Variants in AHNAK observed in about 807,000 individuals in gnomAD.
AHNAK encodes neuroblast differentiation-associated protein AHNAK.
A neutral mutation model predicts 37.8 loss-of-function variants in AHNAK; 23 were observed. The observed-to-expected ratio is 0.61, with a 90% confidence interval of 0.44 to 0.86. AHNAK has a LOEUF of 0.86. Ranked by LOEUF, AHNAK falls within the 40% of genes least tolerant of loss-of-function variation. The pLI, the probability that AHNAK is intolerant of heterozygous loss-of-function variation, is 0.00. For missense variants in AHNAK, 7,411 were observed against 7,319.4 expected (o/e 1.01, Z -0.46); for synonymous variants, 2,481 against 2,636.3 (o/e 0.94, Z 1.80).
chr11:62,540,535 C>T (rs1941087741), intron 1 of AHNAK, among the ~76,000 whole-genome samples: 1 of 152,142 alleles, frequency 6.6e-6, no homozygotes, highest in African/African-American at 2.4e-5. Flanking sequence ...CAGAGCTAGG[C>T]GTGGTGGCTC....
At position 62,518,333 on chromosome 11, in the gene AHNAK, C is replaced by A. The variant is rs370134969; in HGVS notation, c.16084G>T (p.Asp5362Tyr). 12 of 1,614,098 alleles carry A rather than the reference C, an allele frequency of 7.4e-6. No homozygotes were observed. The highest frequency in any genetic ancestry group is 9.3e-6 in the Non-Finnish European group (11 of 1,180,042). The change falls in exon 5 of 5, where the codon GAT becomes TAT. Residue 5362 changes from aspartate (D) to tyrosine (Y), a missense_variant. By Grantham distance (160) the Asp-to-Tyr change is radical (BLOSUM62 -3). Transcript: ENST00000378024. Reference sequence around the variant, plus strand: ...AGGCTTGGTCCCCTCAGTGTCACATCTGGTGCCCCAACGTTAAGCTTTGTT... The same window carrying A: ...AGGCTTGGTCCCCTCAGTGTCACATATGGTGCCCCAACGTTAAGCTTTGTT... Reference protein sequence around the residue: ...ATTKLNVGAPDVTLRGPSLQG... With the variant: ...ATTKLNVGAPYVTLRGPSLQG...
chr11:62,446,689 C>T (rs1366643856), intron 5 of AHNAK, among the ~76,000 whole-genome samples: 1 of 152,012 alleles, frequency 6.6e-6, no homozygotes, highest in Non-Finnish European at 1.5e-5. Context: ...CCTCCTGTCT[C>T]AAAAGGCACC....
rs1940225062 is a variant in AHNAK, at chr11:62,521,179, T to C, written c.13238A>G (p.Asp4413Gly). The C allele has an allele frequency of 6.2e-7, 1 of 1,614,106 alleles. No homozygotes were observed. The highest frequency in any genetic ancestry group is 8.5e-7 in the Non-Finnish European group (1 of 1,180,022). The part of the protein sequence containing the change: ...VDVSLPKVEG[D>G]LKGPEIDIKG... ...TATGTCAATTTCAGGGCCCTTGAGATCACCTTCCACTTTGGGCAGAGAGAC... is the reference window on the plus strand; with the variant it reads ...TATGTCAATTTCAGGGCCCTTGAGACCACCTTCCACTTTGGGCAGAGAGAC... Residue 4413 changes from aspartate (D) to glycine (G), a missense_variant, in exon 5 of 5, where the codon GAT becomes GGT. Asp to Gly is a moderately conservative substitution (Grantham distance 94). Coordinates refer to ENST00000378024, the MANE Select transcript of AHNAK (RefSeq NM_001620.3).
intron 5 of AHNAK, among the ~76,000 whole-genome samples, chr11:62,435,558 G>A (rs531259965): frequency 7.2e-5 from 11 of 152,074 alleles, no homozygotes; most frequent in South Asian, 2.1e-4. Context: ...GACTACAGGC[G>A]CCCGTCACCT....
In AHNAK at chr11:62,435,785, C is replaced by A. The variant is rs147641380; in HGVS notation, c.443-1894G>T. Among the ~76,000 whole-genome samples the A allele has an allele frequency of 8.3e-3, 1,260 of 152,204 alleles. 21 individuals carry two copies. The highest frequency in any genetic ancestry group is 0.029 in the African/African-American group (1,208 of 41,522). ...CTGGCCTTGAACTCCTGGACTCAAGCAATCCTCCTGCCTTGACCTCCCAAA... is the reference window on the plus strand; with the variant it reads ...CTGGCCTTGAACTCCTGGACTCAAGAAATCCTCCTGCCTTGACCTCCCAAA... On this transcript the variant is annotated intron_variant, in intron 5 of 5. Coordinates refer to the AHNAK transcript ENST00000257247.
In AHNAK at chr11:62,525,005, C is replaced by T; in HGVS notation, c.9412G>A (p.Asp3138Asn). 1 of 1,613,522 alleles carries T rather than the reference C, an allele frequency of 6.2e-7. No homozygotes were observed. Among genetic ancestry groups the T allele is most frequent in the Non-Finnish European group, 8.5e-7 (1 of 1,179,884 alleles). The stretch of plus-strand genomic sequence containing the variant: ...CAGTCTGGGCCTTGAACATCCACAT[C>T]TGGGGCATTAATATCCACTTTGGGG... ...KGPKVDINAP[D>N]VDVQGPDWHL... Residue 3138 changes from aspartate (D) to asparagine (N), a missense_variant, in exon 5 of 5, where the codon GAT (aspartate) becomes AAT (asparagine). By Grantham distance (23) the Asp-to-Asn change is conservative. Coordinates refer to ENST00000378024, the MANE Select transcript of AHNAK (RefSeq NM_001620.3).
At chr11:62,489,278 A>C (rs1939456029) in intron 5 of AHNAK, among the ~76,000 whole-genome samples, 1 of 151,012 alleles carries the variant, frequency 6.6e-6, no homozygotes, top group Admixed American at 6.6e-5. Context: ...ATAGACCGGC[A>C]TCATGGATGT....
intron 5 of AHNAK, among the ~76,000 whole-genome samples, chr11:62,458,608 T>C (rs1340989074): frequency 1.3e-5 from 2 of 152,154 alleles, no homozygotes; most frequent in Non-Finnish European, 2.9e-5. Context: ...CCAGTACTCA[T>C]TATAGCTTTC....
chr11:62,495,119 A>T (rs1939583726), intron 4 of AHNAK, among the ~76,000 whole-genome samples: 1 of 151,958 alleles, frequency 6.6e-6, no homozygotes, highest in Non-Finnish European at 1.5e-5. Flanking sequence ...GTGAGCTGTG[A>T]TCACACCACT....
Position 62,528,872 on chromosome 11 carries a change from G to T in AHNAK, c.5545C>A (p.His1849Asn), listed in dbSNP as rs1208823012. 3 of 1,613,464 alleles carry T rather than the reference G, an allele frequency of 1.9e-6. No individual in the cohort carries two copies. In the South Asian group the frequency reaches 3.3e-5, roughly 18 times the overall value. Residue 1849 changes from histidine (H) to asparagine (N), a missense_variant, in exon 5 of 5, where the codon CAC (histidine) becomes AAC (asparagine). Transcript: ENST00000378024. ...KGPKFKMPEM[H>N]FKAPKISMPD... ...ATGGAGATCTTGGGGGCCTTGAAGT[G>T]CATCTCAGGCATCTTAAACTTGGGC...
intron 4 of AHNAK, among the ~76,000 whole-genome samples, chr11:62,494,067 T>C (rs760655554): frequency 2.6e-5 from 4 of 152,086 alleles, no homozygotes; most frequent in Non-Finnish European, 5.9e-5. Flanking sequence ...AATGAATGAA[T>C]GGTGTAAGAG....
rs1211250462 is a variant in AHNAK at position 62,531,844 on chromosome 11, T to C, written c.2573A>G (p.Lys858Arg). Reference protein sequence around the residue: ...KVPDVELKSAKMDIDVPDVEV... With the variant: ...KVPDVELKSARMDIDVPDVEV... ...CACATCTGGGACATCAATGTCCATT[T>C]TGGCACTTTTAAGTTCAACATCAGG... The change falls in exon 5 of 5, where the codon AAA becomes AGA. Residue 858 changes from lysine to arginine, a missense_variant. By Grantham distance (26) the Lys-to-Arg change is conservative (BLOSUM62 2). Coordinates refer to ENST00000378024, the MANE Select transcript of AHNAK (RefSeq NM_001620.3). 5.0e-6 allele frequency: 8 copies of C among 1,613,694 alleles called. No individual in the cohort carries two copies. Among genetic ancestry groups the C allele is most frequent in the East Asian group, 2.2e-5 (1 of 44,838 alleles).
rs755003939 is a variant in AHNAK at position 62,533,322 on chromosome 11, G to C, written c.1095C>G (p.Gly365=). ...GGGGGCCCTTCAGCTTCCCCTCAAG[G>C]CCCTCAATATTGGCAGAGGGCACAC... ...EVSVPSANIE[G]LEGKLKGPQI... is the part of the protein sequence containing the mutation. The change falls in exon 5 of 5, where the codon GGC becomes GGG. Residue 365 remains glycine, a synonymous_variant. Coordinates refer to ENST00000378024, the MANE Select transcript of AHNAK (RefSeq NM_001620.3). The C allele has an allele frequency of 6.5e-7, 1 of 1,541,682 alleles. No homozygotes were observed. Among genetic ancestry groups the C allele is most frequent in the Non-Finnish European group, 8.7e-7 (1 of 1,147,776 alleles).
intron 4 of AHNAK, among the ~76,000 whole-genome samples, chr11:62,510,570 C>G (rs573151349): frequency 6.6e-6 from 1 of 151,782 alleles, no homozygotes; most frequent in South Asian, 2.1e-4. Context: ...ATGGTGAAAC[C>G]CTGTCTCTAC....
intron 4 of AHNAK, among the ~76,000 whole-genome samples, chr11:62,506,878 C>A (rs1939822354): frequency 6.6e-6 from 1 of 152,194 alleles, no homozygotes; most frequent in African/African-American, 2.4e-5. Context: ...CCTACTCCCT[C>A]CTCCCCAAAA....
At chr11:62,436,099 A>G (rs1335226245) in intron 5 of AHNAK, among the ~76,000 whole-genome samples, 1 of 152,192 alleles carries the variant, frequency 6.6e-6, no homozygotes, top group Non-Finnish European at 1.5e-5. Context: ...ATCCCCTTTC[A>G]TTCTCAGCGA....
Position 62,523,510 on chromosome 11 carries a change from G to A in AHNAK, c.10907C>T (p.Pro3636Leu), listed in dbSNP as rs776463390. ...LPKADIDISGPNVDVDVPDVN... is the reference protein window; with the variant it reads ...LPKADIDISGLNVDVDVPDVN... Reference sequence around the variant, plus strand: ...GTCTGGAACATCAACGTCTACATTGGGACCAGAAATGTCAATGTCAGCTTT... The same window carrying A: ...GTCTGGAACATCAACGTCTACATTGAGACCAGAAATGTCAATGTCAGCTTT... The change falls in exon 5 of 5, where the codon CCC (proline) becomes CTC (leucine). Residue 3636 changes from proline to leucine, a missense_variant. Physicochemically the swap from Pro to Leu is moderately conservative, Grantham distance 98 (BLOSUM62 -3). Coordinates refer to ENST00000378024, the MANE Select transcript of AHNAK (RefSeq NM_001620.3). The A allele has an allele frequency of 1.9e-6, 3 of 1,613,776 alleles. No individual in the cohort carries two copies. Among genetic ancestry groups the A allele is most frequent in the Non-Finnish European group, 2.5e-6 (3 of 1,180,008 alleles).
chr11:62,477,375 G>A (rs894690188), intron 5 of AHNAK, among the ~76,000 whole-genome samples: 7 of 152,142 alleles, frequency 4.6e-5, no homozygotes, highest in African/African-American at 1.7e-4. Flanking sequence ...AGGGTGGGAG[G>A]AGGAGAGAGA....
chr11:62,468,566 A>G (rs981104366), intron 5 of AHNAK, among the ~76,000 whole-genome samples: 2 of 152,108 alleles, frequency 1.3e-5, no homozygotes, highest in South Asian at 4.1e-4. Flanking sequence ...GTTCCACACC[A>G]CCAAGCCAAA....
Sources: gnomAD v4.1 joint callset for allele counts (sites outside exome capture counted in the v4.1 genomes callset) on GRCh38, gnomAD v4.1.1 for gene constraint, MANE v1.5 for transcripts, NCBI Gene and HGNC (gene_info 2026-07-23, HGNC 2026-07-21) for gene names.